SLC29A3: variants seen among roughly 807,000 people sequenced by gnomAD.
SLC29A3 encodes the protein solute carrier family 29 member 3, also known as equilibrative nucleoside transporter 3.
A neutral mutation model predicts 25.4 loss-of-function variants in SLC29A3; 18 were observed. The ratio of observed to expected loss-of-function variants is 0.71; its 90% confidence interval spans 0.49 to 1.05. SLC29A3 has a LOEUF of 1.05. Among genes scored for constraint, SLC29A3 ranks in the 50% least tolerant of loss-of-function variants. The pLI is 0.00. For synonymous variants in SLC29A3, 258 were observed against 267.1 expected, an observed-to-expected ratio of 0.97 and a Z score of 0.33; for missense variants, 586 against 609.0, an observed-to-expected ratio of 0.96 and a Z score of 0.40.
intron 4 of SLC29A3, 128 bp downstream of exon 4, chr10:71,351,916 A>G: frequency 2.3e-6 from 2 of 858,850 alleles, no homozygotes; most frequent in South Asian, 2.9e-5. Context: ...TGTTTCAGTC[A>G]TCTAGTGTTG....
At chr10:71,324,806 T>TG (rs1589221237) in intron 2 of SLC29A3, among the ~76,000 whole-genome samples, 2 of 151,352 alleles carry the variant, frequency 1.3e-5, no homozygotes, top group African/African-American at 4.9e-5. Context: ...ATCTCAAAGG[T>TG]GGGGGGATGC....
intron 2 of SLC29A3, among the ~76,000 whole-genome samples, chr10:71,325,914 A>AC (rs1845954531): frequency 1.7e-5 from 2 of 116,856 alleles, no homozygotes; most frequent in African/African-American, 7.0e-5. Flanking sequence ...CTATATTAGT[A>AC]CTTTTTTTTT....
chr10:71,335,555 C>T lies in SLC29A3; in HGVS notation c.301-8654C>T, dbSNP rs531257790. On this transcript the variant is annotated intron_variant, in intron 2 of 5. Coordinates refer to ENST00000373189, the MANE Select transcript of SLC29A3 (RefSeq NM_018344.6). ...GATGCCTGGGGGAGAGGCTAGAACC[C>T]GAGGGGAGACTGGGTGGACACGTGA... is the stretch of plus-strand genomic sequence containing the variant. Among the ~76,000 whole-genome samples the T allele has an allele frequency of 1.5e-3, 221 of 152,126 alleles. 1 individual carries two copies. Among genetic ancestry groups the T allele is most frequent in the African/African-American group, 5.1e-3 (211 of 41,508 alleles).
intron 2 of SLC29A3, among the ~76,000 whole-genome samples, chr10:71,343,406 A>G (rs992163269): frequency 1.3e-5 from 2 of 152,232 alleles, no homozygotes; most frequent in Admixed American, 6.5e-5. Context: ...CCAGCACATC[A>G]TAATCAGGCA....
intron 3 of SLC29A3, among the ~76,000 whole-genome samples, chr10:71,350,453 C>T (rs1226080349): frequency 6.6e-6 from 1 of 152,038 alleles, no homozygotes; most frequent in Non-Finnish European, 1.5e-5. Flanking sequence ...AAATTAACTA[C>T]ACATCCAATC....
downstream of SLC29A3, among the ~76,000 whole-genome samples, chr10:71,367,517 G>A (rs938022043): frequency 2.0e-5 from 3 of 152,130 alleles, no homozygotes; most frequent in African/African-American, 7.2e-5. Flanking sequence ...AGCCCACATA[G>A]GCAAGAGATG....
chr10:71,359,384 A>C (rs1224090255), intron 5 of SLC29A3, among the ~76,000 whole-genome samples: 1 of 152,224 alleles, frequency 6.6e-6, no homozygotes. Flanking sequence ...GAGGCGATGC[A>C]GGAAAATTTG....
At chr10:71,356,503 G>T (rs1019242227) in intron 5 of SLC29A3, among the ~76,000 whole-genome samples, 1 of 152,170 alleles carries the variant, frequency 6.6e-6, no homozygotes, top group African/African-American at 2.4e-5. Flanking sequence ...CTGTGTTCCT[G>T]CGAGCTTGAT....
chr10:71,355,097 T>C (rs949353924), intron 4 of SLC29A3, among the ~76,000 whole-genome samples: 14 of 152,226 alleles, frequency 9.2e-5, no homozygotes, highest in African/African-American at 3.4e-4. Context: ...TGAAGTCTAC[T>C]GTGTGCCAGG....
At chr10:71,332,930 G>A (rs556372601) in intron 2 of SLC29A3, among the ~76,000 whole-genome samples, 6 of 152,310 alleles carry the variant, frequency 3.9e-5, no homozygotes, top group African/African-American at 7.2e-5. Flanking sequence ...AAGTGCTCAC[G>A]ACCCTTCTTC....
intron 1 of SLC29A3, among the ~76,000 whole-genome samples, chr10:71,321,393 G>A (rs566763026): frequency 6.6e-5 from 10 of 152,308 alleles, no homozygotes; most frequent in Non-Finnish European, 1.0e-4. Context: ...AAACCAAGAT[G>A]CATTTATTTA....
chr10:71,353,483 G>A (rs563434909), intron 4 of SLC29A3, among the ~76,000 whole-genome samples: 3 of 152,300 alleles, frequency 2.0e-5, no homozygotes, highest in South Asian at 2.1e-4. Flanking sequence ...ATTGGCAAGC[G>A]GTCCTCGGGT....
Position 71,350,695 on chromosome 10 carries a change from A to G in SLC29A3, c.384-867A>G, listed in dbSNP as rs148182533. On this transcript the variant is annotated intron_variant, in intron 3 of 5. Transcript: ENST00000373189. ...AACTTGGCATCACCTGCTCCCCATG[A>G]TGACTGAGGCCATCACAGGAGGATG... 5.5e-3 allele frequency among the ~76,000 whole-genome samples: 832 copies of G among 152,210 alleles called. 22 individuals carry two copies. The highest frequency in any genetic ancestry group is 0.021 in the South Asian group (103 of 4,822).
intron 3 of SLC29A3, among the ~76,000 whole-genome samples, chr10:71,372,237 A>G (rs1847217076): frequency 6.6e-6 from 1 of 152,162 alleles, no homozygotes. Context: ...AGCACTATGA[A>G]CCGGGCAAGT....
chr10:71,367,324 A>G (rs1484506209), downstream of SLC29A3, among the ~76,000 whole-genome samples: 3 of 152,188 alleles, frequency 2.0e-5, no homozygotes, highest in Admixed American at 1.3e-4. Context: ...GTTGTGGGAC[A>G]TGAGACAGAG....
At chr10:71,320,041 T>A (rs768890019) in intron 1 of SLC29A3, among the ~76,000 whole-genome samples, 1 of 152,202 alleles carries the variant, frequency 6.6e-6, no homozygotes, top group Non-Finnish European at 1.5e-5. Flanking sequence ...CAGCTAGCTT[T>A]TATAAAGACT....
At chr10:71,335,438 G>A (rs1846223268) in intron 2 of SLC29A3, among the ~76,000 whole-genome samples, 1 of 152,230 alleles carries the variant, frequency 6.6e-6, no homozygotes, top group South Asian at 2.1e-4. Context: ...GCAAGGAGGA[G>A]GGGCGTGGCA....
chr10:71,335,521 C>T (rs545656727), intron 2 of SLC29A3, among the ~76,000 whole-genome samples: 4 of 152,124 alleles, frequency 2.6e-5, no homozygotes, highest in South Asian at 2.1e-4. Context: ...TGAGCAAAGG[C>T]GTGGAGGGGA....
chr10:71,351,510 C>T, intron 3 of SLC29A3, 52 bp from the exon 4 acceptor site: 5 of 1,565,466 alleles, frequency 3.2e-6, no homozygotes, highest in Non-Finnish European at 3.5e-6. Flanking sequence ...AGCCCCAGCC[C>T]ACACAGGAGC....
Sources: gnomAD v4.1 joint callset for allele counts (sites outside exome capture counted in the v4.1 genomes callset) on GRCh38, gnomAD v4.1.1 for gene constraint, MANE v1.5 for transcripts, NCBI Gene and HGNC (gene_info 2026-07-23, HGNC 2026-07-21) for gene names.